BABAM2: variants seen among roughly 807,000 people sequenced by gnomAD.
The protein encoded by BABAM2 is BRISC and BRCA1-A complex member 2.
Under a neutral mutation model 54.7 loss-of-function variants are expected in BABAM2, and 31 were observed. That is an observed-to-expected ratio of 0.57 (90% CI 0.43 to 0.77). The LOEUF is 0.77. Among genes scored for constraint, BABAM2 ranks in the 30% least tolerant of loss-of-function variants. The pLI is 0.00. For synonymous variants in BABAM2, 167 were observed against 162.9 expected (o/e 1.03, Z -0.19); for missense variants, 364 against 455.8 (o/e 0.80, Z 1.83).
chr2:27,890,603 G>A (rs1159999099), upstream of BABAM2: 25 of 452,920 alleles, frequency 5.5e-5, no homozygotes, highest in Non-Finnish European at 9.1e-5. This position sits in a 1 kb window ranked among gnomAD's most constrained non-coding sequence, Gnocchi z 4.8. Context: ...TCACGGGGCA[G>A]GCGCTGAGGA....
intron 7 of BABAM2, among the ~76,000 whole-genome samples, chr2:28,139,154 G>A (rs891009367): frequency 2.0e-5 from 3 of 151,584 alleles, no homozygotes; most frequent in Admixed American, 1.3e-4. Context: ...TCAGCTGGGC[G>A]CAATGGCTCA....
chr2:28,287,550 C>T (rs1197978679), intron 10 of BABAM2, among the ~76,000 whole-genome samples: 1 of 152,110 alleles, frequency 6.6e-6, no homozygotes, highest in African/African-American at 2.4e-5. Context: ...AGGGATCTAA[C>T]ATAAAGATAA....
chr2:28,141,192 CAT>C (rs926382572), intron 7 of BABAM2, among the ~76,000 whole-genome samples: 4 of 152,086 alleles, frequency 2.6e-5, no homozygotes, highest in Admixed American at 6.6e-5. Flanking sequence ...ATAACATACA[CAT>C]ATATGTATAT....
At chr2:27,890,051 G>A (rs1370570735), upstream of BABAM2, 6 of 534,968 alleles carry the variant, frequency 1.1e-5, no homozygotes, top group African/African-American at 3.9e-5. This position sits in a 1 kb window ranked among gnomAD's most constrained non-coding sequence, Gnocchi z 4.8. Context: ...GGCCTATTAC[G>A]TCCCCTCCCC....
At chr2:28,084,629 G>A (rs1025645972) in intron 6 of BABAM2, among the ~76,000 whole-genome samples, 9 of 152,122 alleles carry the variant, frequency 5.9e-5, no homozygotes, top group Admixed American at 5.9e-4. Flanking sequence ...TAGTGTTGAT[G>A]CCTTTTGTGC....
chr2:27,914,379 G>C (rs1186548420), intron 2 of BABAM2, among the ~76,000 whole-genome samples: 1 of 152,172 alleles, frequency 6.6e-6, no homozygotes, highest in East Asian at 1.9e-4. Flanking sequence ...TATCATGTTT[G>C]ATAGTTCTTT....
intron 2 of BABAM2, among the ~76,000 whole-genome samples, chr2:27,907,919 C>T (rs890293671): frequency 2.0e-5 from 3 of 152,146 alleles, no homozygotes; most frequent in African/African-American, 4.8e-5. Context: ...ATCCATTCAT[C>T]TATTGATAGA....
chr2:28,079,885 G>A (rs1665014222), intron 6 of BABAM2, among the ~76,000 whole-genome samples: 1 of 152,046 alleles, frequency 6.6e-6, no homozygotes, highest in Non-Finnish European at 1.5e-5. Context: ...TTTATTTGTA[G>A]TGGTATTAAC....
chr2:28,190,514 C>T (rs1423678384), intron 7 of BABAM2, among the ~76,000 whole-genome samples: 1 of 152,184 alleles, frequency 6.6e-6, no homozygotes, highest in Non-Finnish European at 1.5e-5. Flanking sequence ...TGGAGAAACC[C>T]TGTCTCTACT....
At chr2:28,003,418 C>G (rs2148516462) in intron 4 of BABAM2, among the ~76,000 whole-genome samples, 1 of 152,180 alleles carries the variant, frequency 6.6e-6, no homozygotes, top group East Asian at 1.9e-4. Context: ...CATGGCAAAA[C>G]CTTGTCACTA....
At chr2:27,960,172 G>C in intron 3 of BABAM2, among the ~76,000 whole-genome samples, 1 of 151,828 alleles carries the variant, frequency 6.6e-6, no homozygotes, top group Admixed American at 6.6e-5. Flanking sequence ...CCAGTTACTG[G>C]GCATTTCAGA....
chr2:28,024,422 C>T (rs1558664644), intron 4 of BABAM2, among the ~76,000 whole-genome samples: 1 of 151,648 alleles, frequency 6.6e-6, no homozygotes. Context: ...AAAAAAAAGT[C>T]TTTGATGAAG....
chr2:27,990,745 GA>G (rs1489497587), intron 4 of BABAM2, among the ~76,000 whole-genome samples: 1 of 151,564 alleles, frequency 6.6e-6, no homozygotes, highest in Admixed American at 6.6e-5. Flanking sequence ...AAATATTTGA[GA>G]AAAAAATGAC....
chr2:28,213,019 T>C (rs1679614025), intron 7 of BABAM2, among the ~76,000 whole-genome samples: 1 of 152,088 alleles, frequency 6.6e-6, no homozygotes, highest in African/African-American at 2.4e-5. Flanking sequence ...AGCCAGGAGT[T>C]TGAGACCAGC....
chr2:28,123,666 G>A (rs765282671), intron 6 of BABAM2, among the ~76,000 whole-genome samples: 2 of 152,158 alleles, frequency 1.3e-5, no homozygotes, highest in African/African-American at 4.8e-5. Context: ...ACAGCACTGT[G>A]TGGATTTGTA....
intron 7 of BABAM2, among the ~76,000 whole-genome samples, chr2:28,174,335 T>C (rs1453720874): frequency 1.3e-5 from 2 of 152,178 alleles, no homozygotes; most frequent in African/African-American, 4.8e-5. Context: ...TATATGTATA[T>C]ATATATAAAA....
intron 2 of BABAM2, among the ~76,000 whole-genome samples, chr2:27,924,488 G>A (rs1017887107): frequency 3.9e-5 from 6 of 151,972 alleles, no homozygotes; most frequent in Admixed American, 2.0e-4. Flanking sequence ...GGGCTCAAGC[G>A]ATTCTCCTTC....
At chr2:27,892,805 A>G (rs964056295) in intron 1 of BABAM2, among the ~76,000 whole-genome samples, 1 of 152,100 alleles carries the variant, frequency 6.6e-6, no homozygotes, top group Non-Finnish European at 1.5e-5. Context: ...GAAATGAGAG[A>G]CTAGTCGGGG....
intron 6 of BABAM2, among the ~76,000 whole-genome samples, chr2:28,052,913 A>G (rs1421988753): frequency 6.6e-6 from 1 of 152,216 alleles, no homozygotes; most frequent in African/African-American, 2.4e-5. Context: ...CCAGAAGAAC[A>G]TTAGACTGAT....
Sources: gnomAD v4.1 joint callset for allele counts (sites outside exome capture counted in the v4.1 genomes callset) on GRCh38, gnomAD v4.1.1 for gene constraint, Gnocchi (gnomAD v3.1) non-coding constraint, MANE v1.5 for transcripts, NCBI Gene and HGNC (gene_info 2026-07-23, HGNC 2026-07-21) for gene names.